ANXA4: variants seen among roughly 807,000 people sequenced by gnomAD.
The protein encoded by ANXA4 is annexin A4.
Under a neutral mutation model 49.8 loss-of-function variants are expected in ANXA4, and 39 were observed. The observed-to-expected ratio is 0.78, with a 90% CI of 0.61 to 1.02. The LOEUF (loss-of-function observed/expected upper bound fraction) is 1.02. ANXA4 is among the 50% of genes least tolerant of loss of function. The probability of loss-of-function intolerance (pLI) is 0.00; values close to 1 mark genes in which losing one functional copy is unlikely to be tolerated. For synonymous variants in ANXA4, 134 were observed against 152.5 expected (o/e 0.88, Z 0.89); for missense variants, 360 against 410.1 (o/e 0.88, Z 1.05).
intron 1 of ANXA4, among the ~76,000 whole-genome samples, chr2:69,768,558 C>A (rs1261072555): frequency 6.6e-6 from 1 of 152,204 alleles, no homozygotes; most frequent in African/African-American, 2.4e-5. Context: ...GAAAGGTATA[C>A]AGGCGGAAAG....
intron 1 of ANXA4, among the ~76,000 whole-genome samples, chr2:69,780,455 T>C (rs2872074): frequency 0.32 from 49,211 of 152,076 alleles, 9,000 homozygotes; most frequent in Admixed American, 0.47. Flanking sequence ...CTCAGCCTCC[T>C]AAAGTGCTGG....
chr2:69,752,382 T>C (rs1670879502), intron 1 of ANXA4, among the ~76,000 whole-genome samples: 1 of 152,230 alleles, frequency 6.6e-6, no homozygotes, highest in Admixed American at 6.5e-5. Flanking sequence ...AGTTATGTAA[T>C]AAATGTTTTC....
At chr2:69,731,362 C>T (rs1424704293) in intron 3 of ANXA4, among the ~76,000 whole-genome samples, 3 of 152,250 alleles carry the variant, frequency 2.0e-5, no homozygotes, top group Non-Finnish European at 4.4e-5. Context: ...TGGCCACAAA[C>T]TTAGCTCAAG....
chr2:69,725,013 C>T (rs1473588697), intron 3 of ANXA4, among the ~76,000 whole-genome samples: 2 of 152,324 alleles, frequency 1.3e-5, no homozygotes, highest in South Asian at 2.1e-4. Context: ...TCATGGCACT[C>T]GTCAAGTTCA....
intron 5 of ANXA4, among the ~76,000 whole-genome samples, chr2:69,807,603 T>G (rs1673499314): frequency 1.3e-5 from 2 of 152,094 alleles, no homozygotes; most frequent in African/African-American, 4.8e-5. Context: ...ATTCTGCCCT[T>G]CAGAGGAAGA....
chr2:69,802,709 CAAA>C (rs777864730), intron 3 of ANXA4, among the ~76,000 whole-genome samples: 48 of 122,128 alleles, frequency 3.9e-4, no homozygotes, highest in Admixed American at 1.2e-3. Flanking sequence ...GACTCTGTCT[CAAA>C]AAAAAAAAAA....
chr2:69,692,379 A>G (rs971805536), intron 2 of ANXA4, among the ~76,000 whole-genome samples: 1 of 152,166 alleles, frequency 6.6e-6, no homozygotes, highest in Non-Finnish European at 1.5e-5. Context: ...TTAGGTCTTC[A>G]TTTATTTGTT....
chr2:69,809,361 C>T (rs1210091235), intron 6 of ANXA4: 1 of 152,232 alleles, frequency 6.6e-6, no homozygotes, highest in African/African-American at 2.4e-5. Context: ...ATCCCCACAT[C>T]TGCCCAATGA....
intron 6 of ANXA4, 47 bp from the exon 7 acceptor site, chr2:69,810,547 G>C (rs1673651868): frequency 1.3e-6 from 2 of 1,521,342 alleles, no homozygotes; most frequent in Non-Finnish European, 1.8e-6. Context: ...ACAGGGCATT[G>C]GGCAAGACTC....
At chr2:69,689,381 A>C (rs1394869191) in intron 2 of ANXA4, among the ~76,000 whole-genome samples, 2 of 152,032 alleles carry the variant, frequency 1.3e-5, no homozygotes, top group African/African-American at 4.8e-5. Context: ...AGCCACCATG[A>C]CCAGCCCATA....
At chr2:69,758,960 C>T (rs1446258682) in intron 1 of ANXA4, among the ~76,000 whole-genome samples, 1 of 151,780 alleles carries the variant, frequency 6.6e-6, no homozygotes, top group Non-Finnish European at 1.5e-5. Flanking sequence ...TGGTGAAACC[C>T]CATTTCTACT....
intron 1 of ANXA4, among the ~76,000 whole-genome samples, chr2:69,752,508 C>G (rs141617583): frequency 6.6e-6 from 1 of 152,212 alleles, no homozygotes; most frequent in African/African-American, 2.4e-5. Context: ...TATTCATCTT[C>G]GACATGGTCT....
At chr2:69,812,575 G>C (rs1415464142) in intron 7 of ANXA4, 78 bp from the exon 8 acceptor site, 2 of 1,269,316 alleles carry the variant, frequency 1.6e-6, no homozygotes, top group African/African-American at 1.5e-5. Flanking sequence ...CATTACTCTA[G>C]ACCTGCTATC....
At chr2:69,711,137 C>G (rs1339865260) in intron 2 of ANXA4, among the ~76,000 whole-genome samples, 6 of 152,150 alleles carry the variant, frequency 3.9e-5, no homozygotes, top group Non-Finnish European at 8.8e-5. Context: ...TGAGACAAGC[C>G]TGGTCAACAT....
At chr2:69,654,897 G>T (rs1391087220) in intron 2 of ANXA4, among the ~76,000 whole-genome samples, 1 of 152,118 alleles carries the variant, frequency 6.6e-6, no homozygotes, top group Non-Finnish European at 1.5e-5. Context: ...TCTGATCTTT[G>T]ACAAACCTGA....
chr2:69,713,169 C>T lies in ANXA4; in HGVS notation n.767-7605C>T, dbSNP rs148386546. Among the ~76,000 whole-genome samples the T allele has an allele frequency of 8.4e-4, 127 of 151,042 alleles. 1 individual carries two copies. The highest frequency in any genetic ancestry group is 2.9e-3 in the African/African-American group (120 of 40,808). ...TCTTTCCTGAAATCTTCAGTATAGT[C>T]ATTATTATGAAGTAAAAAAAAAAAG... On this transcript the variant is annotated intron_variant and non_coding_transcript_variant, in intron 2 of 3. Transcript: ENST00000418066.
In ANXA4 at chr2:69,816,205, T is replaced by TA. The variant is rs2103872268; in HGVS notation, c.628+12dup. 1 of 1,612,116 alleles carries TA rather than the reference T, an allele frequency of 6.2e-7. No homozygotes were observed. Among genetic ancestry groups the TA allele is most frequent in the East Asian group, 2.2e-5 (1 of 44,880 alleles). On this transcript the variant is annotated intron_variant, in intron 9 of 12. Transcript: ENST00000394295. Reference sequence around the variant, plus strand: ...ATCACCTGTTGCATGGTAAGGCACTTACTTCATTTCCCAAAGAAAAGGAGT... The same window carrying TA: ...ATCACCTGTTGCATGGTAAGGCACTTAACTTCATTTCCCAAAGAAAAGGAGT...
rs116277812 is a variant in ANXA4 at position 69,662,663 on chromosome 2, A to G, written n.766+9381A>G. ...TGGAATACTTTTCTTTGGGGACTCT[A>G]AGAGGAAAGACCTGAAGAGATGTAA... On this transcript the variant is annotated intron_variant and non_coding_transcript_variant, in intron 2 of 3. Coordinates refer to the ANXA4 transcript ENST00000418066. Among the ~76,000 whole-genome samples the G allele has an allele frequency of 6.1e-3, 932 of 152,242 alleles. 11 individuals carry two copies. Among genetic ancestry groups the G allele is most frequent in the African/African-American group, 0.021 (891 of 41,532 alleles).
At chr2:69,714,145 G>A (rs1448873131) in intron 2 of ANXA4, among the ~76,000 whole-genome samples, 4 of 152,130 alleles carry the variant, frequency 2.6e-5, no homozygotes, top group Non-Finnish European at 4.4e-5. Context: ...CTCCCTACTG[G>A]GAGGCTCTTC....
Sources: allele counts gnomAD v4.1 joint callset (sites outside exome capture counted in the v4.1 genomes callset), GRCh38; gene constraint gnomAD v4.1.1; transcripts MANE v1.5; gene names NCBI Gene and HGNC (gene_info 2026-07-23, HGNC 2026-07-21).